Variants in ELP3 observed in about 807,000 individuals in gnomAD.
ELP3 encodes elongator complex protein 3.
A neutral mutation model predicts 74.9 loss-of-function variants in ELP3; 56 were observed. The observed-to-expected ratio is 0.75, with a 90% CI of 0.60 to 0.93. The LOEUF (loss-of-function observed/expected upper bound fraction) is 0.93. Among genes scored for constraint, ELP3 ranks in the 40% least tolerant of loss-of-function variants. ELP3 has a pLI of 0.00. For synonymous variants in ELP3, 222 were observed against 239.8 expected, an observed-to-expected ratio of 0.93 and a Z score of 0.68; for missense variants, 573 against 686.5, an observed-to-expected ratio of 0.83 and a Z score of 1.85.
Position 28,093,170 on chromosome 8 carries a change from T to C in ELP3, c.-45T>C, listed in dbSNP as rs1448360337. 3 of 1,608,886 alleles carry C rather than the reference T, an allele frequency of 1.9e-6. No homozygotes were observed. Among genetic ancestry groups the C allele is most frequent in the South Asian group, 1.1e-5 (1 of 89,612 alleles). On this transcript the variant is annotated 5_prime_UTR_variant, in exon 1 of 15. Transcript: ENST00000256398. ...CAGCTTTCCCCGTGGTCTGAGTTTG[T>C]GGCTGCATTTTTATCTCTGGTGGCT... is the stretch of plus-strand genomic sequence containing the variant.
chr8:28,186,825 C>T (rs1815258155), intron 14 of ELP3, among the ~76,000 whole-genome samples: 1 of 152,224 alleles, frequency 6.6e-6, no homozygotes, highest in Non-Finnish European at 1.5e-5. Flanking sequence ...AGAGCCCTCA[C>T]ACTCTAGTCA....
At chr8:28,154,416 CTT>C (rs146892875) in intron 10 of ELP3, among the ~76,000 whole-genome samples, 3 of 152,194 alleles carry the variant, frequency 2.0e-5, no homozygotes, top group African/African-American at 7.2e-5. Context: ...TTGCCACTGA[CTT>C]TATCAGATTA....
At chr8:28,145,688 ATC>A (rs1563272077) in intron 10 of ELP3, among the ~76,000 whole-genome samples, 1 of 152,200 alleles carries the variant, frequency 6.6e-6, no homozygotes, top group East Asian at 1.9e-4. Flanking sequence ...CAGTGGCACA[ATC>A]TCAGCTCACT....
chr8:28,097,408 G>T, intron 2 of ELP3, 90 bp downstream of exon 2: 2 of 777,086 alleles, frequency 2.6e-6, no homozygotes, highest in Non-Finnish European at 2.0e-6. Flanking sequence ...TCCAGCTCAA[G>T]TTTTATTTTA....
intron 7 of ELP3, among the ~76,000 whole-genome samples, chr8:28,119,301 A>G (rs1182315714): frequency 6.6e-6 from 1 of 152,082 alleles, no homozygotes; most frequent in African/African-American, 2.4e-5. Context: ...TGAAACAAAA[A>G]TTAAACAGTT....
At chr8:28,092,505 T>C (rs535110138), upstream of ELP3, among the ~76,000 whole-genome samples, 86 of 152,302 alleles carry the variant, frequency 5.6e-4, no homozygotes, top group African/African-American at 2.0e-3. Flanking sequence ...GGCATAGTGC[T>C]AGTATTACAT....
intron 3 of ELP3, among the ~76,000 whole-genome samples, chr8:28,103,450 C>A (rs1811570757): frequency 6.6e-6 from 1 of 152,088 alleles, no homozygotes. Context: ...TTTGCTTATT[C>A]ATTCACCTAT....
At chr8:28,095,135 T>C (rs1436323831) in intron 1 of ELP3, among the ~76,000 whole-genome samples, 1 of 152,254 alleles carries the variant, frequency 6.6e-6, no homozygotes, top group African/African-American at 2.4e-5. Context: ...GTAATTCCTA[T>C]GCCTGACATT....
At chr8:28,167,836 A>G (rs927114649) in intron 14 of ELP3, among the ~76,000 whole-genome samples, 1 of 152,124 alleles carries the variant, frequency 6.6e-6, no homozygotes, top group Non-Finnish European at 1.5e-5. Flanking sequence ...TTTTTGGTGC[A>G]TGTTCCAGTA....
intron 10 of ELP3, among the ~76,000 whole-genome samples, chr8:28,155,658 C>T (rs1813796470): frequency 6.6e-6 from 1 of 152,144 alleles, no homozygotes; most frequent in Non-Finnish European, 1.5e-5. Flanking sequence ...GGTTATTGGG[C>T]ATTCAGTCAT....
At chr8:28,137,667 G>T (rs1282274248) in intron 9 of ELP3, 31 bp from the exon 10 acceptor site, 2 of 1,601,154 alleles carry the variant, frequency 1.2e-6, no homozygotes, top group East Asian at 4.5e-5. Flanking sequence ...CATAACTAAT[G>T]GAGAAGTCAT....
At chr8:28,130,375 G>A (rs1812743156) in intron 8 of ELP3, among the ~76,000 whole-genome samples, 2 of 152,230 alleles carry the variant, frequency 1.3e-5, no homozygotes, top group African/African-American at 4.8e-5. Context: ...TGTAGGATTT[G>A]GGTAGGTGTG....
upstream of ELP3, among the ~76,000 whole-genome samples, chr8:28,090,806 G>A (rs1811031952): frequency 6.6e-6 from 1 of 152,058 alleles, no homozygotes; most frequent in South Asian, 2.1e-4. Context: ...AGAAAGGAAT[G>A]TCTGGGTTAA....
intron 14 of ELP3, among the ~76,000 whole-genome samples, chr8:28,173,591 T>TA (rs1365438959): frequency 6.6e-6 from 1 of 151,842 alleles, no homozygotes; most frequent in African/African-American, 2.4e-5. Flanking sequence ...TCTAATCTAT[T>TA]ATTTTCTTCC....
At chr8:28,097,504 C>T (rs1484025150) in intron 2 of ELP3, among the ~76,000 whole-genome samples, 186 bp downstream of exon 2, 1 of 150,832 alleles carries the variant, frequency 6.6e-6, no homozygotes, top group Non-Finnish European at 1.5e-5. Flanking sequence ...TAACGCCATT[C>T]TCCTGCCTCA....
At chr8:28,131,643 G>A (rs1338945416) in intron 8 of ELP3, among the ~76,000 whole-genome samples, 1 of 152,184 alleles carries the variant, frequency 6.6e-6, no homozygotes, top group Non-Finnish European at 1.5e-5. Context: ...ACTATTGTTA[G>A]GACTTGTTTC....
At chr8:28,118,425 C>T (rs1019021313) in intron 7 of ELP3, among the ~76,000 whole-genome samples, 1 of 152,098 alleles carries the variant, frequency 6.6e-6, no homozygotes, top group African/African-American at 2.4e-5. Flanking sequence ...TATATATTCT[C>T]GTGGATGGAT....
intron 13 of ELP3, among the ~76,000 whole-genome samples, chr8:28,160,856 G>A (rs373584298): frequency 1.8e-4 from 27 of 152,182 alleles, no homozygotes; most frequent in Admixed American, 5.2e-4. Flanking sequence ...CACCATGCCT[G>A]ACTAATTTTT....
chr8:28,170,031 G>T (rs1410058369), intron 14 of ELP3, among the ~76,000 whole-genome samples: 3 of 152,160 alleles, frequency 2.0e-5, no homozygotes, highest in African/African-American at 7.2e-5. Flanking sequence ...TCTCAGAAGA[G>T]TGTTAATGAG....
Sources: allele counts gnomAD v4.1 joint callset (sites outside exome capture counted in the v4.1 genomes callset), GRCh38; gene constraint gnomAD v4.1.1; transcripts MANE v1.5; gene names NCBI Gene and HGNC (gene_info 2026-07-23, HGNC 2026-07-21).